PHF21B: variants seen among roughly 807,000 people sequenced by gnomAD.
PHF21B encodes the protein PHD finger protein 4.
A neutral mutation model predicts 62.2 loss-of-function variants in PHF21B; 22 were observed. The observed-to-expected ratio is 0.35, with a 90% CI of 0.25 to 0.51. PHF21B has a LOEUF of 0.51. PHF21B is among the 20% of genes least tolerant of loss of function. PHF21B has a pLI of 0.97. For synonymous variants in PHF21B, 341 were observed against 314.7 expected (o/e 1.08, Z -0.88); for missense variants, 701 against 707.9 (o/e 0.99, Z 0.11).
intron 2 of PHF21B, among the ~76,000 whole-genome samples, chr22:44,968,318 T>C (rs2072569812): frequency 6.6e-6 from 1 of 152,204 alleles, no homozygotes; most frequent in African/African-American, 2.4e-5. Context: ...TGGTCTATGA[T>C]GCAACACATA....
chr22:44,956,184 T>C (rs1344217625), intron 2 of PHF21B, among the ~76,000 whole-genome samples: 1 of 151,916 alleles, frequency 6.6e-6, no homozygotes, highest in Non-Finnish European at 1.5e-5. Context: ...ACTCAATGGG[T>C]TGGAGATACA....
chr22:44,919,201 T>C (rs1328715333), intron 3 of PHF21B, among the ~76,000 whole-genome samples: 1 of 138,100 alleles, frequency 7.2e-6, no homozygotes, highest in African/African-American at 3.0e-5. Context: ...GCAGTGTCTC[T>C]TTCTGGCATG....
chr22:44,898,222 G>A (rs1489355809), intron 5 of PHF21B, among the ~76,000 whole-genome samples: 2 of 152,172 alleles, frequency 1.3e-5, no homozygotes, highest in Admixed American at 1.3e-4. Context: ...GACAGCTTGA[G>A]GAGGACTGGT....
intron 5 of PHF21B, among the ~76,000 whole-genome samples, chr22:44,908,626 A>G (rs9614976): frequency 0.061 from 9,352 of 152,226 alleles, 326 homozygotes; most frequent in Admixed American, 0.074. Flanking sequence ...CCAAACACCA[A>G]TCATGTTTCT....
At chr22:44,886,557 T>A (rs2070862575) in intron 10 of PHF21B, among the ~76,000 whole-genome samples, 1 of 151,924 alleles carries the variant, frequency 6.6e-6, no homozygotes, top group Non-Finnish European at 1.5e-5. Context: ...CATGGTGGTG[T>A]GTACCTGTGG....
At chr22:44,886,396 A>C (rs1222246473) in intron 10 of PHF21B, among the ~76,000 whole-genome samples, 1 of 22,640 alleles carries the variant, frequency 4.4e-5, no homozygotes, top group Non-Finnish European at 8.8e-5. Context: ...AAGAGGCAAA[A>C]AAAAAAAAAA....
chr22:44,952,811 C>T (rs113859202), intron 2 of PHF21B, among the ~76,000 whole-genome samples: 4,858 of 152,304 alleles, frequency 0.032, 99 homozygotes, highest in Middle Eastern at 0.054. Context: ...TGGCAGCCCT[C>T]AGTGACGTGA....
At chr22:44,931,353 C>G in intron 2 of PHF21B, among the ~76,000 whole-genome samples, 1 of 152,100 alleles carries the variant, frequency 6.6e-6, no homozygotes, top group South Asian at 2.1e-4. Flanking sequence ...GCAGGCGGCT[C>G]CCACCCGGCT....
At chr22:44,984,243 TACC>T (rs1441957326) in intron 2 of PHF21B, among the ~76,000 whole-genome samples, 2 of 41,824 alleles carry the variant, frequency 4.8e-5, no homozygotes, top group East Asian at 9.2e-4. Flanking sequence ...CCACCCTCAT[TACC>T]ACCACCATCA....
chr22:44,927,138 G>A (rs920885889), intron 2 of PHF21B, among the ~76,000 whole-genome samples: 9 of 152,044 alleles, frequency 5.9e-5, no homozygotes, highest in South Asian at 2.1e-4. Context: ...GCAGAACCCC[G>A]AGAGAGAGGT....
intron 2 of PHF21B, among the ~76,000 whole-genome samples, chr22:44,983,971 C>A (rs2072888010): frequency 6.6e-6 from 1 of 151,600 alleles, no homozygotes; most frequent in South Asian, 2.1e-4. Flanking sequence ...TTCCGACATG[C>A]CGATGTCCTC....
At chr22:44,910,727 G>T (rs544178486) in intron 5 of PHF21B, among the ~76,000 whole-genome samples, 2 of 152,278 alleles carry the variant, frequency 1.3e-5, no homozygotes, top group South Asian at 4.1e-4. Context: ...AAATTGTCCT[G>T]TCTCAGGTAT....
intron 7 of PHF21B, 139 bp downstream of exon 7, chr22:44,893,318 C>A: frequency 1.4e-6 from 1 of 707,090 alleles, no homozygotes; most frequent in Non-Finnish European, 2.3e-6. Context: ...TTACGGTCAC[C>A]CCCCAGCCCC....
rs114034660 is a variant in PHF21B at position 44,999,548 on chromosome 22, C to T, written c.120+8997G>A. On this transcript the variant is annotated intron_variant, in intron 2 of 12. Transcript: ENST00000313237. ...TATTTCGGAGCAAAAGTACTGCTCG[C>T]GGTCACCAGGACGGTTACTAACTTG... Among the ~76,000 whole-genome samples the T allele has an allele frequency of 3.8e-3, 582 of 152,250 alleles. 5 individuals are homozygous for T. The highest frequency in any genetic ancestry group is 0.013 in the African/African-American group (546 of 41,544).
At chr22:44,945,575 C>T (rs1173324807) in intron 2 of PHF21B, among the ~76,000 whole-genome samples, 2 of 152,158 alleles carry the variant, frequency 1.3e-5, no homozygotes, top group Non-Finnish European at 2.9e-5. Flanking sequence ...CCCCACACTG[C>T]TCAGATCCCC....
chr22:44,916,499 G>A lies in PHF21B; in HGVS notation c.345C>T (p.Thr115=), dbSNP rs761660758. 20 of 1,608,454 alleles carry A rather than the reference G, an allele frequency of 1.2e-5. No individual in the cohort carries two copies. The highest frequency in any genetic ancestry group is 2.7e-5 in the African/African-American group (2 of 74,898). ...SVKNPSPALP[T]ANNTVSHVPA... ...GCACATGGCTGACAGTGTTGTTGGC[G>A]GTGGGGAGGGCTGGGCTGGGGTTCT... Residue 115 remains threonine (T), a synonymous_variant, in exon 4 of 13, where the codon ACC becomes ACT. Transcript: ENST00000313237.
At chr22:45,006,063 T>G (rs1045365496) in intron 2 of PHF21B, among the ~76,000 whole-genome samples, 38 of 152,296 alleles carry the variant, frequency 2.5e-4, no homozygotes, top group Non-Finnish European at 4.6e-4. Context: ...GAGTAAATGT[T>G]AAGTCTCCCT....
At chr22:44,962,553 A>AC (rs1390837950) in intron 2 of PHF21B, among the ~76,000 whole-genome samples, 1 of 152,170 alleles carries the variant, frequency 6.6e-6, no homozygotes, top group Non-Finnish European at 1.5e-5. Flanking sequence ...TTTCTACTGA[A>AC]CGTGTATTGC....
intron 2 of PHF21B, among the ~76,000 whole-genome samples, chr22:44,923,611 ATC>A (rs2071576800): frequency 6.6e-6 from 1 of 152,214 alleles, no homozygotes; most frequent in Non-Finnish European, 1.5e-5. Context: ...CAAATCACCT[ATC>A]TGATGAAAGC....
Sources: allele counts gnomAD v4.1 joint callset (sites outside exome capture counted in the v4.1 genomes callset), GRCh38; gene constraint gnomAD v4.1.1; transcripts MANE v1.5; gene names NCBI Gene and HGNC (gene_info 2026-07-23, HGNC 2026-07-21).